The following TCF4 variants were observed in gnomAD, a reference collection of about 807,000 sequenced individuals.
The protein encoded by TCF4 is transcription factor 4.
TCF4 carries 3 observed loss-of-function variants against 82.1 expected under a neutral mutation model. The observed-to-expected ratio is 0.04, with a 90% CI of 0.02 to 0.09. The LOEUF (loss-of-function observed/expected upper bound fraction) is 0.09. TCF4 is among the 10% of genes least tolerant of loss of function. The pLI is 1.00. For missense variants in TCF4, 518 were observed against 852.7 expected, an observed-to-expected ratio of 0.61 and a Z score of 4.89; for synonymous variants, 276 against 309.6, an observed-to-expected ratio of 0.89 and a Z score of 1.14.
chr18:55,311,415 G>A (rs1205989127), intron 8 of TCF4, among the ~76,000 whole-genome samples: 1 of 152,186 alleles, frequency 6.6e-6, no homozygotes, highest in Non-Finnish European at 1.5e-5. Flanking sequence ...GCAAGCTCCT[G>A]CCTGACCCCC....
At chr18:55,505,052 G>A (rs1363716655) in intron 3 of TCF4, among the ~76,000 whole-genome samples, 1 of 152,138 alleles carries the variant, frequency 6.6e-6, no homozygotes, top group Non-Finnish European at 1.5e-5. Flanking sequence ...AAGACAGTTA[G>A]GATACATTTT....
intron 15 of TCF4, among the ~76,000 whole-genome samples, chr18:55,252,563 A>C (rs1221071316): frequency 6.6e-6 from 1 of 152,178 alleles, no homozygotes; most frequent in East Asian, 1.9e-4. Flanking sequence ...AAAGGAGTCA[A>C]TTCAAAGGTC....
At chr18:55,593,667 C>T (rs926659946) in intron 2 of TCF4, among the ~76,000 whole-genome samples, 4 of 152,184 alleles carry the variant, frequency 2.6e-5, no homozygotes, top group Admixed American at 1.3e-4. Flanking sequence ...TTGTTCTCCC[C>T]GAGTCCCACC....
At chr18:55,542,007 T>C (rs2097168651) in intron 3 of TCF4, among the ~76,000 whole-genome samples, 12 of 151,990 alleles carry the variant, frequency 7.9e-5, no homozygotes, top group Admixed American at 7.9e-4. Flanking sequence ...AATGTGTTGA[T>C]AGCTGGTACA....
Position 55,301,812 on chromosome 18 carries a change from A to AGG in TCF4, c.550-22157_550-22156insCC, listed in dbSNP as rs1555848541. On this transcript the variant is annotated intron_variant, in intron 8 of 19. Transcript: ENST00000354452. The stretch of plus-strand genomic sequence containing the variant: ...GTAAAAAAAAAAAAAAAAAAAAAAA[A>AGG]GTGGGGGGGGATTCGGGTGGGGGAG... Among the ~76,000 whole-genome samples, 17 of 101,060 alleles carry AGG rather than the reference A, an allele frequency of 1.7e-4. No individual in the cohort carries two copies. In the South Asian group the frequency reaches 2.5e-3, roughly 15 times the overall value. 66.3% of individuals were successfully genotyped at this position (101,060 alleles called of 152,430 possible).
At chr18:55,363,275 G>A (rs1264598762) in intron 6 of TCF4, among the ~76,000 whole-genome samples, 2 of 152,030 alleles carry the variant, frequency 1.3e-5, no homozygotes, top group Admixed American at 6.6e-5. Flanking sequence ...AAAAATCAAT[G>A]AGAAAATGAT....
Position 55,492,619 on chromosome 18 carries a change from T to G in TCF4, c.146-28482A>C, listed in dbSNP as rs186187631. Among the ~76,000 whole-genome samples, 409 of 152,324 alleles carry G rather than the reference T, an allele frequency of 2.7e-3. 4 individuals carry two copies. Among genetic ancestry groups the G allele is most frequent in the African/African-American group, 9.4e-3 (389 of 41,564 alleles). On this transcript the variant is annotated intron_variant, in intron 3 of 19. Coordinates refer to ENST00000354452, the MANE Select transcript of TCF4 (RefSeq NM_001083962.2). ...CTACTTGCTGTAAATTAGGCAAGCCTGCCAGGCAAGGAGACAACCAAACCT... is the reference window on the plus strand; with the variant it reads ...CTACTTGCTGTAAATTAGGCAAGCCGGCCAGGCAAGGAGACAACCAAACCT...
chr18:55,442,818 C>T (rs4408617), intron 5 of TCF4, among the ~76,000 whole-genome samples: 1,766 of 152,308 alleles, frequency 0.012, 26 homozygotes, highest in South Asian at 0.05. Flanking sequence ...TTTCCACAAA[C>T]GTGCAAAGAA....
chr18:55,419,467 TTTGTC>T (rs2094647159), intron 5 of TCF4, among the ~76,000 whole-genome samples: 1 of 152,176 alleles, frequency 6.6e-6, no homozygotes, highest in Admixed American at 6.5e-5. Flanking sequence ...TAAAATATAT[TTTGTC>T]TTGTCAAGTG....
chr18:55,552,405 CTT>C (rs2097267910), intron 3 of TCF4, among the ~76,000 whole-genome samples: 1 of 152,198 alleles, frequency 6.6e-6, no homozygotes, highest in African/African-American at 2.4e-5. Context: ...TACTACACCT[CTT>C]TGTCAGCCCC....
intron 3 of TCF4, among the ~76,000 whole-genome samples, chr18:55,571,485 C>G (rs2097466668): frequency 6.6e-6 from 1 of 152,132 alleles, no homozygotes; most frequent in South Asian, 2.1e-4. Flanking sequence ...TGACATTGCT[C>G]CAGTACTTAT....
chr18:55,236,486 T>G (rs1241109935), intron 15 of TCF4, among the ~76,000 whole-genome samples: 1 of 152,088 alleles, frequency 6.6e-6, no homozygotes, highest in Non-Finnish European at 1.5e-5. Flanking sequence ...TCAACCCTGT[T>G]GCCTGCCACA....
At chr18:55,329,111 A>C (rs2077074071) in intron 8 of TCF4, among the ~76,000 whole-genome samples, 1 of 152,214 alleles carries the variant, frequency 6.6e-6, no homozygotes, top group Non-Finnish European at 1.5e-5. Context: ...CAAGTGAATG[A>C]CCATACAGTG....
chr18:55,368,471 C>T (rs2087893373), intron 6 of TCF4, among the ~76,000 whole-genome samples: 1 of 152,052 alleles, frequency 6.6e-6, no homozygotes, highest in Admixed American at 6.6e-5. Flanking sequence ...CCAGCCTCAC[C>T]TAGACATTCA....
At chr18:55,234,162 T>G (rs988376972) in intron 16 of TCF4, among the ~76,000 whole-genome samples, 1 of 152,166 alleles carries the variant, frequency 6.6e-6, no homozygotes, top group Non-Finnish European at 1.5e-5. Flanking sequence ...TATATTTCCT[T>G]CCATCTTAAA....
In TCF4 at chr18:55,476,454, TTTTTTTG is replaced by T. The variant is rs762160988; in HGVS notation, c.146-12324_146-12318del. Among the ~76,000 whole-genome samples, 282 of 152,066 alleles carry T rather than the reference TTTTTTTG, an allele frequency of 1.9e-3. 1 individual carries two copies. The highest frequency in any genetic ancestry group is 6.8e-3 in the Middle Eastern group (2 of 294). ...TAACCTTTAGATGAAGCCCTCGTTGTTTTTTTGTTTTTTGTTTTTTGTTTTTGTTTTT... is the reference window on the plus strand; with the variant it reads ...TAACCTTTAGATGAAGCCCTCGTTGTTTTTTTGTTTTTTGTTTTTGTTTTT... On this transcript the variant is annotated intron_variant, in intron 3 of 19. Transcript: ENST00000354452.
At chr18:55,558,175 G>A (rs2097321999) in intron 3 of TCF4, among the ~76,000 whole-genome samples, 1 of 152,066 alleles carries the variant, frequency 6.6e-6, no homozygotes, top group Non-Finnish European at 1.5e-5. Context: ...TCCTACTACT[G>A]TACTCCAGTC....
intron 10 of TCF4, among the ~76,000 whole-genome samples, chr18:55,271,896 C>T (rs992059920): frequency 5.3e-5 from 8 of 152,046 alleles, no homozygotes; most frequent in South Asian, 2.1e-4. Context: ...AAAGAGATGA[C>T]TAACTTTAAC....
At chr18:55,425,175 G>A (rs2094926799) in intron 5 of TCF4, among the ~76,000 whole-genome samples, 1 of 152,182 alleles carries the variant, frequency 6.6e-6, no homozygotes, top group Non-Finnish European at 1.5e-5. Context: ...GCTAAGTTGG[G>A]TGAGAAAGTG....
Sources: gnomAD v4.1 joint callset for allele counts (sites outside exome capture counted in the v4.1 genomes callset) on GRCh38, gnomAD v4.1.1 for gene constraint, MANE v1.5 for transcripts, NCBI Gene and HGNC (gene_info 2026-07-23, HGNC 2026-07-21) for gene names.